PTPRM: variants seen among roughly 807,000 people sequenced by gnomAD.
The protein encoded by PTPRM is receptor-type tyrosine-protein phosphatase mu.
A neutral mutation model predicts 186.7 loss-of-function variants in PTPRM; 47 were observed. That is an observed-to-expected ratio of 0.25 (90% confidence interval 0.20 to 0.32). PTPRM has a LOEUF of 0.32. PTPRM is among the 10% of genes least tolerant of loss of function. The pLI, the probability that PTPRM is intolerant of heterozygous loss-of-function variation, is 1.00. For synonymous variants in PTPRM, 668 were observed against 674.9 expected, an observed-to-expected ratio of 0.99 and a Z score of 0.16; for missense variants, 1,494 against 1,865.0, an observed-to-expected ratio of 0.80 and a Z score of 3.66.
chr18:7,676,661 G>A (rs201840985), intron 1 of PTPRM, among the ~76,000 whole-genome samples: 296 of 119,578 alleles, frequency 2.5e-3, no homozygotes, highest in East Asian at 0.012. Context: ...GTGTGTGTGT[G>A]TATGTGTGTG....
rs116642923 is a variant in PTPRM at position 8,023,431 on chromosome 18, G to T, written c.1133-46255G>T. Among the ~76,000 whole-genome samples the T allele has an allele frequency of 2.1e-3, 318 of 152,198 alleles. 4 individuals are homozygous for T. The highest frequency in any genetic ancestry group is 7.3e-3 in the African/African-American group (304 of 41,524). ...ATTGGTTTCAAAAAAAGACCATATT[G>T]GTCATCTTATGTGTATTTAACTTAG... is the stretch of plus-strand genomic sequence containing the variant. On this transcript the variant is annotated intron_variant, in intron 7 of 32. Coordinates refer to ENST00000580170, the MANE Select transcript of PTPRM (RefSeq NM_001105244.2).
chr18:7,813,579 C>G (rs2044645166), intron 2 of PTPRM, among the ~76,000 whole-genome samples: 1 of 152,148 alleles, frequency 6.6e-6, no homozygotes, highest in African/African-American at 2.4e-5. Context: ...CGTGGGCCTT[C>G]TGGACCGAGA....
chr18:7,863,862 T>C (rs1396498495), intron 2 of PTPRM, among the ~76,000 whole-genome samples: 1 of 152,170 alleles, frequency 6.6e-6, no homozygotes, highest in African/African-American at 2.4e-5. Flanking sequence ...CCAGCATCTA[T>C]TGTTTCCTGA....
chr18:7,934,351 C>T (rs1358315936), intron 5 of PTPRM, among the ~76,000 whole-genome samples: 1 of 152,084 alleles, frequency 6.6e-6, no homozygotes, highest in Non-Finnish European at 1.5e-5. Flanking sequence ...TATAATTCCA[C>T]CAAGCTGGGT....
intron 14 of PTPRM, among the ~76,000 whole-genome samples, chr18:8,171,925 T>C (rs1237340684): frequency 6.6e-6 from 1 of 152,136 alleles, no homozygotes; most frequent in Admixed American, 6.5e-5. Flanking sequence ...TAATAAAGTG[T>C]GGAATATCTC....
At chr18:7,892,882 G>A (rs550507131) in intron 3 of PTPRM, among the ~76,000 whole-genome samples, 1 of 152,246 alleles carries the variant, frequency 6.6e-6, no homozygotes, top group South Asian at 2.1e-4. Context: ...TTCTTATGAA[G>A]GTCTACTCCC....
At chr18:8,000,327 A>T (rs2083795649) in intron 7 of PTPRM, among the ~76,000 whole-genome samples, 1 of 152,226 alleles carries the variant, frequency 6.6e-6, no homozygotes, top group Non-Finnish European at 1.5e-5. Context: ...CCATAGTTAG[A>T]TAAACTGTCA....
chr18:8,217,797 A>C (rs1380255396), intron 14 of PTPRM, among the ~76,000 whole-genome samples: 1 of 152,184 alleles, frequency 6.6e-6, no homozygotes, highest in African/African-American at 2.4e-5. Context: ...ACATCACTAC[A>C]CGTATACACC....
intron 1 of PTPRM, among the ~76,000 whole-genome samples, chr18:7,632,754 A>T (rs1354088854): frequency 6.6e-6 from 1 of 152,182 alleles, no homozygotes; most frequent in East Asian, 1.9e-4. Flanking sequence ...AATAATGGAG[A>T]GTTAGAATGG....
chr18:8,348,415 A>G (rs997058081), intron 23 of PTPRM, among the ~76,000 whole-genome samples: 15 of 152,214 alleles, frequency 9.9e-5, no homozygotes, highest in Non-Finnish European at 1.5e-5. Flanking sequence ...AGGACCTGTC[A>G]TTATCTAAGA....
chr18:8,179,698 GA>G (rs2093546135), intron 14 of PTPRM, among the ~76,000 whole-genome samples: 1 of 151,940 alleles, frequency 6.6e-6, no homozygotes, highest in African/African-American at 2.4e-5. Context: ...TTGATCTCTT[GA>G]CCTCGTGATC....
chr18:7,813,237 G>C (rs1484803357), intron 2 of PTPRM, among the ~76,000 whole-genome samples: 1 of 152,216 alleles, frequency 6.6e-6, no homozygotes, highest in Non-Finnish European at 1.5e-5. Flanking sequence ...GGGTACAGTA[G>C]ATGTACATTA....
rs2091849390 is a variant in PTPRM, at chr18:8,113,698, C to T, written c.2069C>T (p.Thr690Ile). Residue 690 changes from threonine (T) to isoleucine (I), a missense_variant, in exon 12 of 33, where the codon ACT becomes ATT. Transcript: ENST00000580170. Reference protein sequence around the residue: ...DNKTYNGYWNTPLLPYKSYRI... With the variant: ...DNKTYNGYWNIPLLPYKSYRI... ...AAGACATATAATGGATACTGGAACACTCCCCTTCTCCCCTATAAAAGCTAC... is the reference window on the plus strand; with the variant it reads ...AAGACATATAATGGATACTGGAACATTCCCCTTCTCCCCTATAAAAGCTAC... 2 of 1,613,612 alleles carry T rather than the reference C, an allele frequency of 1.2e-6. No homozygotes were observed. The highest frequency in any genetic ancestry group is 1.1e-5 in the South Asian group (1 of 91,062).
rs11081380 is a variant in PTPRM, at chr18:8,388,751, G to A, written c.4208+1516G>A. ...CCAAGGCAGGTGGATCACGAGGTCA[G>A]GAGATCAAGACCCTCCTGGCTAACA... On this transcript the variant is annotated intron_variant, in intron 31 of 32. Coordinates refer to ENST00000580170, the MANE Select transcript of PTPRM (RefSeq NM_001105244.2). Among the ~76,000 whole-genome samples the A allele has an allele frequency of 1.8e-3, 271 of 152,280 alleles. 3 individuals carry two copies. In the East Asian group the frequency reaches 0.046, roughly 26 times the overall value.
intron 1 of PTPRM, among the ~76,000 whole-genome samples, chr18:7,748,772 T>C (rs1348985663): frequency 2.0e-5 from 3 of 152,144 alleles, no homozygotes; most frequent in Non-Finnish European, 4.4e-5. Flanking sequence ...TTGCCACTTT[T>C]AAACAATCTG....
At chr18:7,763,516 C>T (rs1243273433) in intron 1 of PTPRM, among the ~76,000 whole-genome samples, 1 of 152,124 alleles carries the variant, frequency 6.6e-6, no homozygotes, top group African/African-American at 2.4e-5. Context: ...TGTAACTGAT[C>T]CAGGACTCTC....
At position 8,288,838 on chromosome 18, in the gene PTPRM, A is replaced by G. The variant is rs1420926301; in HGVS notation, c.2755-7530A>G. Among the ~76,000 whole-genome samples, 5 of 152,342 alleles carry G rather than the reference A, an allele frequency of 3.3e-5. No individual in the cohort carries two copies. The East Asian group carries it at 5.8e-4, about 18-fold the overall frequency. ...ATGGAGCAAATTTGAAGAGAAAGAAAGGCAACTTGATTGAGGGGCCCTCCA... is the reference window on the plus strand; with the variant it reads ...ATGGAGCAAATTTGAAGAGAAAGAAGGGCAACTTGATTGAGGGGCCCTCCA... On this transcript the variant is annotated intron_variant, in intron 19 of 32. Transcript: ENST00000580170.
intron 1 of PTPRM, among the ~76,000 whole-genome samples, chr18:7,609,435 G>A (rs1236958663): frequency 3.9e-5 from 6 of 152,042 alleles, no homozygotes; most frequent in East Asian, 1.9e-4. Context: ...GCTTTGGGGC[G>A]CCATTTCCCC....
At chr18:7,790,837 G>T (rs1174128252) in intron 2 of PTPRM, among the ~76,000 whole-genome samples, 2 of 151,892 alleles carry the variant, frequency 1.3e-5, no homozygotes, top group African/African-American at 4.8e-5. Flanking sequence ...AAAAAGAAAA[G>T]GAAGGTAACC....
Sources: gnomAD v4.1 joint callset for allele counts (sites outside exome capture counted in the v4.1 genomes callset) on GRCh38, gnomAD v4.1.1 for gene constraint, MANE v1.5 for transcripts, NCBI Gene and HGNC (gene_info 2026-07-23, HGNC 2026-07-21) for gene names.